Variants in ANXA11 observed in about 807,000 individuals in gnomAD.
ANXA11 encodes the protein 56 kDa autoantigen.
Under a neutral mutation model 64.7 loss-of-function variants are expected in ANXA11, and 57 were observed. The observed-to-expected ratio is 0.88, with a 90% CI of 0.71 to 1.10. The LOEUF (loss-of-function observed/expected upper bound fraction) is 1.10, where lower values mean the gene tolerates loss of function less well. Ranked by LOEUF, ANXA11 falls within the 50% of genes least tolerant of loss-of-function variation. ANXA11 has a pLI of 0.00. For synonymous variants in ANXA11, 260 were observed against 265.2 expected (o/e 0.98, Z 0.19); for missense variants, 675 against 670.7 (o/e 1.01, Z -0.07).
chr10:80,204,317 C>T (rs1394737456), intron 1 of ANXA11, among the ~76,000 whole-genome samples: 1 of 152,220 alleles, frequency 6.6e-6, no homozygotes, highest in Non-Finnish European at 1.5e-5. Context: ...CCCTGGAATC[C>T]CCAACAATTG....
intron 1 of ANXA11, among the ~76,000 whole-genome samples, chr10:80,204,513 G>C (rs1347719244): frequency 1.3e-5 from 2 of 152,214 alleles, no homozygotes; most frequent in Non-Finnish European, 2.9e-5. Flanking sequence ...CACAAACGCC[G>C]AATCTCTACA....
At chr10:80,173,766 G>C (rs1269667101) in intron 2 of ANXA11, among the ~76,000 whole-genome samples, 1 of 152,216 alleles carries the variant, frequency 6.6e-6, no homozygotes, top group Non-Finnish European at 1.5e-5. Flanking sequence ...GAAACCTGCA[G>C]GGTCCCTCAA....
chr10:80,159,211 AG>A lies in ANXA11; in HGVS notation c.1181-17del. On this transcript the variant is annotated splice_polypyrimidine_tract_variant and intron_variant, in intron 12 of 15. Coordinates refer to ENST00000422982, the MANE Select transcript of ANXA11 (RefSeq NM_145868.2). ...TCATTGAAAACTATGGGGATGACAG[AG>A]GCTTATATTATGAACTGAAATGTGT... The A allele has an allele frequency of 6.2e-7, 1 of 1,605,948 alleles. No homozygotes were observed. The highest frequency in any genetic ancestry group is 1.1e-5 in the South Asian group (1 of 90,932).
At chr10:80,203,783 T>C (rs893942181) in intron 1 of ANXA11, among the ~76,000 whole-genome samples, 4 of 152,136 alleles carry the variant, frequency 2.6e-5, no homozygotes, top group African/African-American at 9.7e-5. Flanking sequence ...GGGTGGAGAA[T>C]GCTAGGCCAG....
chr10:80,194,679 C>T (rs993186794), intron 1 of ANXA11, among the ~76,000 whole-genome samples: 1 of 152,186 alleles, frequency 6.6e-6, no homozygotes, highest in African/African-American at 2.4e-5. Context: ...CCTGCAGGGC[C>T]TCAGTGGTTT....
Position 80,166,312 on chromosome 10 carries a change from C to T in ANXA11, c.745-115G>A, listed in dbSNP as rs995665341. On this transcript the variant is annotated intron_variant, in intron 7 of 15. Coordinates refer to ENST00000422982, the MANE Select transcript of ANXA11 (RefSeq NM_145868.2). ...CAGATTTGAGGAACAGCAGCATGGA[C>T]ATCCCCCAGGGGCCTGAGAGAAAAG... 7 of 636,338 alleles carry T rather than the reference C, an allele frequency of 1.1e-5. No homozygotes were observed. In the African/African-American group the frequency reaches 1.3e-4, roughly 12 times the overall value. 39.4% of individuals were successfully genotyped at this position (636,338 alleles called of 1,614,324 possible).
chr10:80,204,262 C>CCAAG (rs1840573304), intron 1 of ANXA11, among the ~76,000 whole-genome samples: 1 of 152,256 alleles, frequency 6.6e-6, no homozygotes, highest in African/African-American at 2.4e-5. Flanking sequence ...TCAGGGAACA[C>CCAAG]CTTGCAGCAC....
chr10:80,181,399 T>G (rs566807396), intron 1 of ANXA11: 1 of 151,760 alleles, frequency 6.6e-6, no homozygotes, highest in African/African-American at 2.4e-5. Flanking sequence ...GAGGTGGAGG[T>G]TGCAGTGAGC....
At chr10:80,170,655 CCT>C in intron 4 of ANXA11, 143 bp downstream of exon 4, 1 of 511,580 alleles carries the variant, frequency 2.0e-6, no homozygotes, top group Non-Finnish European at 3.1e-6. Context: ...TGATGAAAAC[CCT>C]GTTCTAAGGT....
Position 80,170,862 on chromosome 10 carries a change from T to C in ANXA11, c.109A>G (p.Ile37Val). ...TAGGTGGCCACGTTATCCAGCCCGA[T>C]GGGGGGCATGCTGGGCGGAGGAGGG... is the stretch of plus-strand genomic sequence containing the variant. ...AYPPPPSMPP[I>V]GLDNVATYAG... The change falls in exon 4 of 16, where the codon ATC (isoleucine) becomes GTC (valine). Residue 37 changes from isoleucine to valine, a missense_variant. Transcript: ENST00000422982. 2 of 1,541,260 alleles carry C rather than the reference T, an allele frequency of 1.3e-6. No homozygotes were observed. The highest frequency in any genetic ancestry group is 1.7e-6 in the Non-Finnish European group (2 of 1,148,178).
rs762217655 is a variant in ANXA11, at chr10:80,166,038, G to GCACACACA, written c.858+45_858+46insTGTGTGTG. The GCACACACA allele has an allele frequency of 1.4e-5, 8 of 557,498 alleles. No individual in the cohort carries two copies. In the African/African-American group the frequency reaches 1.8e-4, roughly 13 times the overall value. 34.5% of individuals were successfully genotyped at this position (557,498 alleles called of 1,614,324 possible). On this transcript the variant is annotated intron_variant, in intron 8 of 15. Transcript: ENST00000422982. ...CACGCATGCGCGCGTGCGCACACAC[G>GCACACACA]CGCGCACACACACACACACACACAC...
At chr10:80,156,380 T>A (rs904724395) in intron 15 of ANXA11, 1 of 472,790 alleles carries the variant, frequency 2.1e-6, no homozygotes, top group African/African-American at 2.0e-5. Flanking sequence ...ACACTTACTC[T>A]AAGAGTGCAG....
chr10:80,163,376 G>A lies in ANXA11; in HGVS notation c.1059C>T (p.Asp353=), dbSNP rs751698217. ...GGGCATCTCTCTGGGCGAGTGACAT[G>A]TCCACGTTTGTGCTTTCATCACGGT... ...QGNRDESTNV[D]MSLAQRDAQE... The change falls in exon 11 of 16, where the codon GAC becomes GAT. Residue 353 remains aspartate, a synonymous_variant. Transcript: ENST00000422982. The A allele has an allele frequency of 3.7e-6, 6 of 1,613,808 alleles. No individual in the cohort carries two copies. The South Asian group carries it at 6.6e-5, about 18-fold the overall frequency.
At chr10:80,179,033 A>AAATTGTAATTTCTAATTACAATACAATCG (rs1846268333) in intron 1 of ANXA11, among the ~76,000 whole-genome samples, 1 of 152,222 alleles carries the variant, frequency 6.6e-6, no homozygotes, top group Admixed American at 6.5e-5. Flanking sequence ...GTCCCTGCCC[A>AAATTGTAATTTCTAATTACAATACAATCG]AATTGTAATT....
chr10:80,166,468 AT>A (rs1203983086), intron 7 of ANXA11: 3 of 454,158 alleles, frequency 6.6e-6, no homozygotes, highest in African/African-American at 5.9e-5. Flanking sequence ...TATTTACCGA[AT>A]TTTTATCTTT....
Position 80,159,069 on chromosome 10 carries a change from G to A in ANXA11, c.1276+31C>T, listed in dbSNP as rs766863906. 3.9e-6 allele frequency: 6 copies of A among 1,553,148 alleles called. No homozygotes were observed. In the African/African-American group the frequency reaches 8.1e-5, roughly 21 times the overall value. ...ACACTCACGATACACGTTAGCCCCT[G>A]GCAGGTGGGCGGCAAACCTGAGACA... On this transcript the variant is annotated intron_variant, in intron 13 of 15. Transcript: ENST00000422982.
At chr10:80,169,451 C>G in intron 4 of ANXA11, 93 bp from the exon 5 acceptor site, 2 of 1,408,882 alleles carry the variant, frequency 1.4e-6, no homozygotes, top group Non-Finnish European at 9.8e-7. Flanking sequence ...TCAGTCCTCA[C>G]AGCATCTCCG....
intron 1 of ANXA11, among the ~76,000 whole-genome samples, chr10:80,203,633 G>A (rs2132517880): frequency 6.6e-6 from 1 of 152,258 alleles, no homozygotes; most frequent in East Asian, 1.9e-4. Flanking sequence ...TCAGAGGACA[G>A]GGCAGCGATA....
intron 1 of ANXA11, among the ~76,000 whole-genome samples, chr10:80,185,774 G>A (rs1215747156): frequency 2.0e-5 from 3 of 152,168 alleles, no homozygotes; most frequent in African/African-American, 7.2e-5. Flanking sequence ...CTATTGAATG[G>A]CTGAGCCAGG....
Sources: allele counts gnomAD v4.1 joint callset (sites outside exome capture counted in the v4.1 genomes callset), GRCh38; gene constraint gnomAD v4.1.1; transcripts MANE v1.5; gene names NCBI Gene and HGNC (gene_info 2026-07-23, HGNC 2026-07-21).